Variants in DIP2C observed in about 807,000 individuals in gnomAD.
The protein encoded by DIP2C is DIP2 acetate--CoA ligase C (putative), also known as disco-interacting protein 2 homolog C.
Under a neutral mutation model 192.4 loss-of-function variants are expected in DIP2C, and 33 were observed. That is an observed-to-expected ratio of 0.17 (90% CI 0.13 to 0.23). The LOEUF is 0.23. Ranked by LOEUF, DIP2C falls within the 10% of genes least tolerant of loss-of-function variation. The pLI is 1.00. For synonymous variants in DIP2C, 979 were observed against 864.1 expected (o/e 1.13, Z -2.33); for missense variants, 1,537 against 2,110.1 (o/e 0.73, Z 5.32).
chr10:686,931 A>G (rs1346647124), intron 1 of DIP2C, among the ~76,000 whole-genome samples: 1 of 152,066 alleles, frequency 6.6e-6, no homozygotes, highest in Non-Finnish European at 1.5e-5. Flanking sequence ...GGAATGCTCT[A>G]CTCTTTCCTT....
chr10:645,330 G>T (rs1406879469), intron 1 of DIP2C, among the ~76,000 whole-genome samples: 3 of 152,164 alleles, frequency 2.0e-5, no homozygotes, highest in Non-Finnish European at 4.4e-5. Flanking sequence ...ACGGCTGCAG[G>T]GGGTGTGGTG....
intron 1 of DIP2C, among the ~76,000 whole-genome samples, chr10:518,382 A>T (rs1282208755): frequency 2.0e-5 from 3 of 152,222 alleles, no homozygotes; most frequent in Non-Finnish European, 2.9e-5. Flanking sequence ...CCTGGCCCTG[A>T]TGTGTACGCA....
At chr10:475,981 C>A (rs1374118281) in intron 2 of DIP2C, among the ~76,000 whole-genome samples, 1 of 152,192 alleles carries the variant, frequency 6.6e-6, no homozygotes, top group Non-Finnish European at 1.5e-5. Flanking sequence ...TGCAGCATAC[C>A]GCTCTGCGCT....
At chr10:520,857 T>C (rs575462553) in intron 1 of DIP2C, among the ~76,000 whole-genome samples, 3 of 152,370 alleles carry the variant, frequency 2.0e-5, no homozygotes, top group East Asian at 1.9e-4. Flanking sequence ...TGCATGTTCA[T>C]GGATATGTGT....
intron 10 of DIP2C, among the ~76,000 whole-genome samples, chr10:395,886 G>A (rs970173779): frequency 6.6e-6 from 1 of 152,150 alleles, no homozygotes; most frequent in Non-Finnish European, 1.5e-5. Flanking sequence ...GAGAAGTCCT[G>A]GCCTCCTGAA....
intron 1 of DIP2C, among the ~76,000 whole-genome samples, chr10:541,456 C>T (rs1810372225): frequency 1.3e-5 from 2 of 150,064 alleles, no homozygotes; most frequent in African/African-American, 4.9e-5. Context: ...TCTCCTGGAC[C>T]CCCCCGAGTG....
intron 1 of DIP2C, among the ~76,000 whole-genome samples, chr10:557,195 G>A (rs1286385504): frequency 6.6e-6 from 1 of 152,188 alleles, no homozygotes; most frequent in Non-Finnish European, 1.5e-5. Context: ...CCCCACAGAG[G>A]GACCGGTGTG....
At chr10:591,996 C>T (rs558123095) in intron 1 of DIP2C, among the ~76,000 whole-genome samples, 2 of 152,330 alleles carry the variant, frequency 1.3e-5, no homozygotes, top group East Asian at 1.9e-4. Flanking sequence ...AAACCATATT[C>T]AAGTGTCATT....
At chr10:630,188 A>C (rs1166383138) in intron 1 of DIP2C, 2 of 152,220 alleles carry the variant, frequency 1.3e-5, no homozygotes, top group Non-Finnish European at 2.9e-5. Context: ...CCACCATTGC[A>C]GTTCCCAGCT....
chr10:498,768 C>T (rs985301341), intron 1 of DIP2C, among the ~76,000 whole-genome samples: 8 of 152,160 alleles, frequency 5.3e-5, no homozygotes, highest in African/African-American at 1.9e-4. Flanking sequence ...GAGCCAGGAC[C>T]CCACTCACCG....
At chr10:505,236 A>C (rs1316347165) in intron 1 of DIP2C, among the ~76,000 whole-genome samples, 2 of 152,178 alleles carry the variant, frequency 1.3e-5, no homozygotes, top group Non-Finnish European at 2.9e-5. Context: ...ATCAACACAG[A>C]GTCACTAACT....
chr10:325,688 T>C (rs987963093), intron 31 of DIP2C, among the ~76,000 whole-genome samples: 1 of 152,184 alleles, frequency 6.6e-6, no homozygotes, highest in African/African-American at 2.4e-5. Flanking sequence ...CAGAGAAAAC[T>C]TCAATATTTT....
At chr10:368,509 A>C (rs934595312) in intron 18 of DIP2C, among the ~76,000 whole-genome samples, 1 of 152,106 alleles carries the variant, frequency 6.6e-6, no homozygotes, top group Non-Finnish European at 1.5e-5. Flanking sequence ...GGAATCAGGG[A>C]GTAGTGAGGA....
chr10:309,550 AAC>A (rs1956482252), intron 32 of DIP2C, among the ~76,000 whole-genome samples: 1 of 150,810 alleles, frequency 6.6e-6, no homozygotes, highest in Non-Finnish European at 1.5e-5. Context: ...GCTGTCCTGC[AAC>A]AGAGTTTCTT....
At chr10:364,155 G>A (rs1390243235) in intron 20 of DIP2C, among the ~76,000 whole-genome samples, 1 of 152,136 alleles carries the variant, frequency 6.6e-6, no homozygotes, top group African/African-American at 2.4e-5. Context: ...GAAGTTCAAT[G>A]GAAATATATT....
intron 1 of DIP2C, among the ~76,000 whole-genome samples, chr10:616,984 A>G (rs117391922): frequency 1.3e-5 from 2 of 152,136 alleles, no homozygotes; most frequent in Non-Finnish European, 2.9e-5. Flanking sequence ...TCCGTGATTT[A>G]AGGAAAGAAA....
chr10:465,963 C>T (rs1970166673), intron 3 of DIP2C, among the ~76,000 whole-genome samples: 1 of 152,120 alleles, frequency 6.6e-6, no homozygotes, highest in Admixed American at 6.5e-5. Flanking sequence ...GCCATACTGC[C>T]CAAGGTGATT....
intron 1 of DIP2C, 65 bp from the exon 2 acceptor site, chr10:486,595 G>GC (rs1367245899): frequency 8.0e-6 from 11 of 1,370,728 alleles, no homozygotes; most frequent in African/African-American, 1.5e-5. Flanking sequence ...ATTCAACGGT[G>GC]CCCAAGAAGA....
chr10:561,470 C>T (rs1024959234), intron 1 of DIP2C, among the ~76,000 whole-genome samples: 12 of 152,176 alleles, frequency 7.9e-5, no homozygotes, highest in Non-Finnish European at 1.6e-4. Flanking sequence ...TCAGCAACAA[C>T]GCAACCAAAC....
Sources: allele counts gnomAD v4.1 joint callset (sites outside exome capture counted in the v4.1 genomes callset), GRCh38; gene constraint gnomAD v4.1.1; transcripts MANE v1.5; gene names NCBI Gene and HGNC (gene_info 2026-07-23, HGNC 2026-07-21).